LATS1: variants seen among roughly 807,000 people sequenced by gnomAD.
LATS1 encodes the protein large tumor suppressor kinase 1.
LATS1 carries 25 observed loss-of-function variants against 106.6 expected under a neutral mutation model. The ratio of observed to expected loss-of-function variants is 0.23; its 90% CI spans 0.17 to 0.33. The LOEUF (loss-of-function observed/expected upper bound fraction) is 0.33. Among genes scored for constraint, LATS1 ranks in the 10% least tolerant of loss-of-function variants. The pLI is 1.00. For synonymous variants in LATS1, 465 were observed against 455.6 expected (o/e 1.02, Z -0.26); for missense variants, 1,040 against 1,382.6 (o/e 0.75, Z 3.93).
chr6:149,699,438 C>T (rs532170794), intron 2 of LATS1, among the ~76,000 whole-genome samples: 2 of 151,560 alleles, frequency 1.3e-5, no homozygotes, highest in African/African-American at 4.8e-5. Context: ...CTGCCCTCCC[C>T]AAGTTTGCAT....
Position 149,664,947 on chromosome 6 carries a change from T to G in LATS1, c.2884-2709A>C, listed in dbSNP as rs76354831. 3.8e-3 allele frequency among the ~76,000 whole-genome samples: 582 copies of G among 152,196 alleles called. 3 individuals are homozygous for G. Among genetic ancestry groups the G allele is most frequent in the African/African-American group, 0.013 (549 of 41,532 alleles). ...CACAGAGAGCTCTAGGAGAATTCCC[T>G]CTAGTTCAGGCTCAGGGAGTAGAAA... On this transcript the variant is annotated intron_variant, in intron 7 of 7. Transcript: ENST00000543571.
intron 2 of LATS1, among the ~76,000 whole-genome samples, chr6:149,698,975 C>T (rs1347699998): frequency 3.3e-5 from 5 of 151,780 alleles, no homozygotes; most frequent in Non-Finnish European, 7.4e-5. Flanking sequence ...TGCATCAATC[C>T]TATTTAACAT....
At chr6:149,711,733 A>T (rs1274744439) in intron 1 of LATS1, among the ~76,000 whole-genome samples, 1 of 152,170 alleles carries the variant, frequency 6.6e-6, no homozygotes, top group East Asian at 1.9e-4. Flanking sequence ...ATGATCATTA[A>T]AACAATGGAT....
intron 5 of LATS1, among the ~76,000 whole-genome samples, chr6:149,677,653 G>T (rs188929064): frequency 6.6e-6 from 1 of 152,138 alleles, no homozygotes; most frequent in African/African-American, 2.4e-5. Context: ...TCAGAGAAAG[G>T]CCATTTCTGG....
rs934394151 is a variant in LATS1, at chr6:149,680,417, A to G, written c.2051T>C (p.Met684Thr). The change falls in exon 5 of 8, where the codon ATG becomes ACG. Residue 684 changes from methionine (M) to threonine (T), a missense_variant. This residue lies in a region of LATS1 where 167 missense variants were observed against 332.1 expected (regional missense o/e 0.50). Coordinates refer to ENST00000543571, the MANE Select transcript of LATS1 (RefSeq NM_004690.4). The stretch of plus-strand genomic sequence containing the variant: ...GTAATTAGATTCTTTTTGGCAAAGC[A>G]TCTTTCTCATTTGATCCTGGGCATC... ...SQDAQDQMRKMLCQKESNYIR... is the reference protein window; with the variant it reads ...SQDAQDQMRKTLCQKESNYIR... 1.9e-6 allele frequency: 3 copies of G among 1,613,058 alleles called. No homozygotes were observed. The highest frequency in any genetic ancestry group is 2.5e-6 in the Non-Finnish European group (3 of 1,179,570).
chr6:149,717,875 C>G lies in LATS1; in HGVS notation c.-167G>C. On this transcript the variant is annotated 5_prime_UTR_variant, in exon 1 of 8. Coordinates refer to ENST00000543571, the MANE Select transcript of LATS1 (RefSeq NM_004690.4). ...TGGAGGGGAGAGCAGAGCTCCTGGA[C>G]AGCGGCCACGGGCCTGAGGGCGGAC... 5.4e-6 allele frequency: 2 copies of G among 367,654 alleles called. No homozygotes were observed. The highest frequency in any genetic ancestry group is 1.1e-5 in the Non-Finnish European group (2 of 188,810). The allele number at this position is 367,654 out of a possible 1,614,324, so 22.8% of individuals were successfully genotyped here.
rs1342872420 is a variant in LATS1, at chr6:149,683,241, A to G, written c.1848T>C (p.Thr616=). 4 of 1,613,844 alleles carry G rather than the reference A, an allele frequency of 2.5e-6. No homozygotes were observed. The highest frequency in any genetic ancestry group is 1.7e-5 in the Admixed American group (1 of 59,960). ...CTTCATCTTTCTTGTTTTTCCTAAC[A>G]GTAATAGGTGAAGTTGTAATCTGTT... ...EKKQITTSPI[T]VRKNKKDEER... is the part of the protein sequence containing the mutation. Residue 616 remains threonine, a synonymous_variant, in exon 4 of 8, where the codon ACT becomes ACC. Transcript: ENST00000543571.
At position 149,680,474 on chromosome 6, in the gene LATS1, G is replaced by C; in HGVS notation, c.2011-17C>G. On this transcript the variant is annotated splice_polypyrimidine_tract_variant and intron_variant, in intron 4 of 7. Coordinates refer to ENST00000543571, the MANE Select transcript of LATS1 (RefSeq NM_004690.4). ...TAATCCAACCTAGGCAAATAAACTA[G>C]ATGTTAAATAAGAATTATCTTCTTC... 6.7e-7 allele frequency: 1 copy of C among 1,500,492 alleles called. No individual in the cohort carries two copies. Among genetic ancestry groups the C allele is most frequent in the Non-Finnish European group, 9.1e-7 (1 of 1,103,274 alleles). The allele number at this position is 1,500,492 out of a possible 1,614,324, so 92.9% of individuals were successfully genotyped here.
intron 1 of LATS1, among the ~76,000 whole-genome samples, chr6:149,702,540 G>A (rs888891709): frequency 1.3e-5 from 2 of 151,680 alleles, no homozygotes; most frequent in African/African-American, 4.8e-5. Context: ...AAATGCCAGG[G>A]ATTATTAAGT....
At chr6:149,670,748 A>G (rs1356074328) in intron 7 of LATS1, among the ~76,000 whole-genome samples, 4 of 152,050 alleles carry the variant, frequency 2.6e-5, no homozygotes, top group Non-Finnish European at 4.4e-5. Flanking sequence ...CATTTAAAGA[A>G]ACATGTCAGG....
chr6:149,704,148 C>T (rs1783618758), intron 1 of LATS1, among the ~76,000 whole-genome samples: 1 of 152,166 alleles, frequency 6.6e-6, no homozygotes, highest in Admixed American at 6.5e-5. Flanking sequence ...GGATTACAGG[C>T]ATGCACCACC....
At chr6:149,695,690 A>T (rs1190067220) in intron 2 of LATS1, among the ~76,000 whole-genome samples, 1 of 151,966 alleles carries the variant, frequency 6.6e-6, no homozygotes, top group East Asian at 1.9e-4. Flanking sequence ...AAAAAAAAAA[A>T]AAGAAAGAAA....
chr6:149,680,814 A>C (rs533201942), intron 4 of LATS1, among the ~76,000 whole-genome samples: 5 of 150,000 alleles, frequency 3.3e-5, no homozygotes, highest in African/African-American at 7.3e-5. Flanking sequence ...ATATTCATTT[A>C]TCTCTCTGTA....
chr6:149,682,894 G>A (rs536458074), intron 4 of LATS1, 185 bp downstream of exon 4: 1 of 576,760 alleles, frequency 1.7e-6, no homozygotes, highest in Non-Finnish European at 2.9e-6. Context: ...AATAAATATT[G>A]AAATACTAAA....
chr6:149,703,901 A>G (rs528893237), intron 1 of LATS1, among the ~76,000 whole-genome samples: 4 of 152,386 alleles, frequency 2.6e-5, no homozygotes, highest in Non-Finnish European at 4.4e-5. Context: ...AACATCATTT[A>G]TAACAGCAAA....
chr6:149,671,127 TTTG>T (rs1400762320), intron 7 of LATS1, among the ~76,000 whole-genome samples: 15 of 49,294 alleles, frequency 3.0e-4, no homozygotes, highest in African/African-American at 1.5e-3. Context: ...TGTTTTTTTG[TTTG>T]TTTGTTTGTT....
At chr6:149,706,197 A>G (rs1783760293) in intron 1 of LATS1, among the ~76,000 whole-genome samples, 1 of 136,412 alleles carries the variant, frequency 7.3e-6, no homozygotes, top group African/African-American at 2.8e-5. Flanking sequence ...AAAAAAAAAA[A>G]AAAAAAAAAA....
At chr6:149,662,469 G>A (rs1032433870) in intron 7 of LATS1, among the ~76,000 whole-genome samples, 6 of 151,894 alleles carry the variant, frequency 4.0e-5, no homozygotes, top group Admixed American at 1.3e-4. Context: ...TTTGGCCTAT[G>A]GTAGAAGTGA....
chr6:149,695,421 C>T (rs1028907087), intron 2 of LATS1, among the ~76,000 whole-genome samples, 200 bp from the exon 3 acceptor site: 1 of 152,170 alleles, frequency 6.6e-6, no homozygotes, highest in South Asian at 2.1e-4. Context: ...CGCAGTGGCT[C>T]AAGCCACTTT....
Sources: allele counts gnomAD v4.1 joint callset (sites outside exome capture counted in the v4.1 genomes callset), GRCh38; gene constraint gnomAD v4.1.1; regional missense constraint gnomAD v4.1.1; transcripts MANE v1.5; gene names NCBI Gene and HGNC (gene_info 2026-07-23, HGNC 2026-07-21).